Variants in RNF19A observed in about 807,000 individuals in gnomAD.
The protein encoded by RNF19A is ring finger protein 19A, RBR E3 ubiquitin protein ligase.
Under a neutral mutation model 75.7 loss-of-function variants are expected in RNF19A, and 32 were observed. The ratio of observed to expected loss-of-function variants is 0.42; its 90% CI spans 0.32 to 0.57. RNF19A has a LOEUF of 0.57. Ranked by LOEUF, RNF19A falls within the 20% of genes least tolerant of loss-of-function variation. The pLI is 0.10. For missense variants in RNF19A, 782 were observed against 1,036.3 expected, an observed-to-expected ratio of 0.75 and a Z score of 3.37; for synonymous variants, 335 against 345.2, an observed-to-expected ratio of 0.97 and a Z score of 0.33.
upstream of RNF19A, among the ~76,000 whole-genome samples, chr8:100,313,803 G>C (rs149669848): frequency 2.0e-5 from 3 of 152,190 alleles, no homozygotes; most frequent in Admixed American, 6.5e-5. Flanking sequence ...TGTGGAGACA[G>C]AAGTGGATGG....
At chr8:100,316,242 G>A (rs1822372081) in intron 1 of RNF19A, among the ~76,000 whole-genome samples, 1 of 152,052 alleles carries the variant, frequency 6.6e-6, no homozygotes, top group Non-Finnish European at 1.5e-5. Context: ...GCAGACCTTC[G>A]CGGTGAGTGT....
At chr8:100,292,511 A>G (rs1370643486) in intron 1 of RNF19A, among the ~76,000 whole-genome samples, 1 of 151,948 alleles carries the variant, frequency 6.6e-6, no homozygotes, top group African/African-American at 2.4e-5. Context: ...TTTCCAATGT[A>G]GAAATTTCAA....
chr8:100,267,374 C>A (rs1820032896), intron 5 of RNF19A, among the ~76,000 whole-genome samples: 1 of 151,876 alleles, frequency 6.6e-6, no homozygotes, highest in Non-Finnish European at 1.5e-5. Flanking sequence ...CCTTTAGATC[C>A]TTTTTTTATT....
upstream of RNF19A, among the ~76,000 whole-genome samples, chr8:100,310,795 A>G (rs914894242): frequency 6.6e-6 from 1 of 152,124 alleles, no homozygotes; most frequent in Non-Finnish European, 1.5e-5. Flanking sequence ...AAGTAATCAG[A>G]ATTCCTATTT....
In RNF19A at chr8:100,264,296, A is replaced by C; in HGVS notation, c.1307-101T>G. On this transcript the variant is annotated intron_variant, in intron 6 of 9. Transcript: ENST00000341084. This position sits in a 1 kb window ranked among gnomAD's most constrained non-coding sequence, Gnocchi z 4.7. ...TTTTCAAGAGAGTCATACAGAGAAA[A>C]GCGCCAGGGTTCTGAAGAGTTGGCT... 1.9e-6 allele frequency: 2 copies of C among 1,029,344 alleles called. No homozygotes were observed. The highest frequency in any genetic ancestry group is 3.2e-5 in the African/African-American group (2 of 61,820). The allele number at this position is 1,029,344 out of a possible 1,614,324, so 63.8% of individuals were successfully genotyped here. A position where few individuals can be genotyped will look rare whatever the true frequency, so the allele number is the denominator to read the frequency against.
intron 3 of RNF19A, 44 bp downstream of exon 3, chr8:100,274,909 G>T: frequency 6.7e-7 from 1 of 1,482,358 alleles, no homozygotes. Context: ...AATAACTAGT[G>T]TTTTGTGTCA....
intron 2 of RNF19A, among the ~76,000 whole-genome samples, chr8:100,278,081 G>C (rs1820610107): frequency 6.6e-6 from 1 of 152,236 alleles, no homozygotes; most frequent in Admixed American, 6.5e-5. Flanking sequence ...GTAATTTTAA[G>C]TAAATTACAT....
intron 1 of RNF19A, 110 bp from the exon 2 acceptor site, chr8:100,288,377 G>GT (rs1163961988): frequency 4.3e-4 from 304 of 702,972 alleles, no homozygotes; most frequent in East Asian, 2.8e-3. Flanking sequence ...ATTAGTAGTA[G>GT]TTGTTTTTTT....
Position 100,322,908 on chromosome 8 carries a change from A to G in RNF19A, c.-242-9536T>C, listed in dbSNP as rs1822481453. 6.6e-6 allele frequency among the ~76,000 whole-genome samples: 1 copy of G among 152,168 alleles called. No homozygotes were observed. Among genetic ancestry groups the G allele is most frequent in the East Asian group, 1.9e-4 (1 of 5,202 alleles). On this transcript the variant is annotated intron_variant, in intron 1 of 3. Coordinates refer to the RNF19A transcript ENST00000519527. The surrounding 1 kb of genome is among the most constrained non-coding windows in gnomAD (Gnocchi z 5.1). ...GAGTGGTTCATGGCACTTCAAAACA[A>G]TTGCAATATTAACATCAAAGATCAC...
Position 100,274,941 on chromosome 8 carries a change from A to C in RNF19A, c.883+12T>G. On this transcript the variant is annotated intron_variant, in intron 3 of 9. Coordinates refer to ENST00000341084, the MANE Select transcript of RNF19A (RefSeq NM_183419.4). Reference sequence around the variant, plus strand: ...GTCAAATATTTTATTAGAAAAAATTAGACATAAATACCTGCTGCTCCAGAC... The same window carrying C: ...GTCAAATATTTTATTAGAAAAAATTCGACATAAATACCTGCTGCTCCAGAC... 8 of 1,574,104 alleles carry C rather than the reference A, an allele frequency of 5.1e-6. No individual in the cohort carries two copies. Among genetic ancestry groups the C allele is most frequent in the Non-Finnish European group, 6.9e-6 (8 of 1,155,250 alleles).
chr8:100,327,016 T>C (rs1822542475), intron 1 of RNF19A, among the ~76,000 whole-genome samples: 1 of 152,228 alleles, frequency 6.6e-6, no homozygotes, highest in Non-Finnish European at 1.5e-5. Flanking sequence ...CCTCAGCAGA[T>C]GTGTCAGCAT....
chr8:100,294,241 G>A (rs1821442363), intron 1 of RNF19A, among the ~76,000 whole-genome samples: 1 of 152,042 alleles, frequency 6.6e-6, no homozygotes, highest in African/African-American at 2.4e-5. Context: ...ATTATACTGG[G>A]CAATTAAGTC....
At chr8:100,328,099 T>A (rs972562015) in intron 1 of RNF19A, among the ~76,000 whole-genome samples, 2 of 152,172 alleles carry the variant, frequency 1.3e-5, no homozygotes, top group African/African-American at 2.4e-5. Context: ...AAAGGGCAGG[T>A]GGTATCTACA....
intron 1 of RNF19A, among the ~76,000 whole-genome samples, chr8:100,292,077 T>G (rs1043570514): frequency 1.3e-5 from 2 of 151,386 alleles, no homozygotes; most frequent in African/African-American, 4.9e-5. Context: ...AAAGCTATTC[T>G]ATACTCAAGT....
rs1822577648 is a variant in RNF19A, at chr8:100,329,109, A to T, written c.-243+6999T>A. Reference sequence around the variant, plus strand: ...CCCTTTAATTTGATATAGGAGAGGGAGAGGGGTGGTGTAGCTTACAGACAC... The same window carrying T: ...CCCTTTAATTTGATATAGGAGAGGGTGAGGGGTGGTGTAGCTTACAGACAC... On this transcript the variant is annotated intron_variant, in intron 1 of 3. Coordinates refer to the RNF19A transcript ENST00000519527. The surrounding 1 kb of genome is among the most constrained non-coding windows in gnomAD (Gnocchi z 4.3). Among the ~76,000 whole-genome samples, 2 of 152,114 alleles carry T rather than the reference A, an allele frequency of 1.3e-5. No homozygotes were observed. Among genetic ancestry groups the T allele is most frequent in the South Asian group, 4.1e-4 (2 of 4,824 alleles).
chr8:100,312,903 T>C (rs1822322034), upstream of RNF19A, among the ~76,000 whole-genome samples: 1 of 152,008 alleles, frequency 6.6e-6, no homozygotes, highest in Admixed American at 6.6e-5. Flanking sequence ...GCCTGGGCAA[T>C]AGAGCGAGAC....
chr8:100,290,293 G>A (rs1191691924), intron 1 of RNF19A, among the ~76,000 whole-genome samples: 2 of 152,140 alleles, frequency 1.3e-5, no homozygotes. Context: ...GTAGAGACAA[G>A]GTTTCACCAT....
At chr8:100,319,165 A>T (rs1221331202) in intron 1 of RNF19A, among the ~76,000 whole-genome samples, 1 of 152,238 alleles carries the variant, frequency 6.6e-6, no homozygotes, top group Non-Finnish European at 1.5e-5. Context: ...TGGTTTACTA[A>T]GTTATTTTAT....
chr8:100,277,320 CT>C (rs962014071), intron 2 of RNF19A, among the ~76,000 whole-genome samples: 8 of 151,202 alleles, frequency 5.3e-5, no homozygotes, highest in Admixed American at 1.3e-4. Flanking sequence ...GTATCACACT[CT>C]TTTTTTTTGA....
Sources: gnomAD v4.1 joint callset for allele counts (sites outside exome capture counted in the v4.1 genomes callset) on GRCh38, gnomAD v4.1.1 for gene constraint, Gnocchi (gnomAD v3.1) non-coding constraint, MANE v1.5 for transcripts, NCBI Gene and HGNC (gene_info 2026-07-23, HGNC 2026-07-21) for gene names.